Variants in DNAH8 observed in about 807,000 individuals in gnomAD.
The protein encoded by DNAH8 is axonemal beta dynein heavy chain 8.
Under a neutral mutation model 562.1 loss-of-function variants are expected in DNAH8, and 382 were observed. That is an observed-to-expected ratio of 0.68 (90% CI 0.63 to 0.74). DNAH8 has a LOEUF of 0.74. Among genes scored for constraint, DNAH8 ranks in the 30% least tolerant of loss-of-function variants. DNAH8 has a pLI of 0.00. For missense variants in DNAH8, 5,203 were observed against 5,620.4 expected (o/e 0.93, Z 2.37); for synonymous variants, 1,881 against 1,919.4 (o/e 0.98, Z 0.52).
At position 38,862,544 on chromosome 6, in the gene DNAH8, C is replaced by T. The variant is rs569925401; in HGVS notation, c.6310+86C>T. On this transcript the variant is annotated intron_variant, in intron 44 of 92. Coordinates refer to ENST00000327475, the MANE Select transcript of DNAH8 (RefSeq NM_001206927.2). Reference sequence around the variant, plus strand: ...ATTTTCTGATATAAATCCAAAGTGACGTGATCTCATATAATCTACATTAGT... The same window carrying T: ...ATTTTCTGATATAAATCCAAAGTGATGTGATCTCATATAATCTACATTAGT... 7.0e-5 allele frequency: 101 copies of T among 1,440,848 alleles called. 2 individuals carry two copies. Among genetic ancestry groups the T allele is most frequent in the African/African-American group, 1.1e-4 (8 of 70,104 alleles). 89.3% of individuals were successfully genotyped at this position (1,440,848 alleles called of 1,614,324 possible).
intron 1 of DNAH8, among the ~76,000 whole-genome samples, chr6:38,721,894 C>T (rs566202588): frequency 2.0e-5 from 3 of 152,148 alleles, no homozygotes; most frequent in East Asian, 1.9e-4. Flanking sequence ...TGTCTTCTTA[C>T]GTGTTTGGGA....
At chr6:38,858,610 C>T (rs1434124196) in intron 42 of DNAH8, among the ~76,000 whole-genome samples, 2 of 152,322 alleles carry the variant, frequency 1.3e-5, no homozygotes, top group East Asian at 1.9e-4. Flanking sequence ...TCCCTCCTCC[C>T]ATCCAAGACC....
At chr6:38,814,977 C>G (rs1678694) in intron 25 of DNAH8, among the ~76,000 whole-genome samples, 62,692 of 151,924 alleles carry the variant, frequency 0.41, 13,658 homozygotes, top group East Asian at 0.69. Flanking sequence ...AGAAACGGTC[C>G]GTGACTCACC....
chr6:38,756,206 A>G, intron 10 of DNAH8, 127 bp downstream of exon 10: 2 of 670,850 alleles, frequency 3.0e-6, no homozygotes, highest in South Asian at 1.6e-5. Flanking sequence ...TCCAGTGGAC[A>G]AGAAGAGAAA....
At chr6:38,992,167 A>G (rs1156990601) in intron 88 of DNAH8, among the ~76,000 whole-genome samples, 4 of 152,094 alleles carry the variant, frequency 2.6e-5, no homozygotes, top group African/African-American at 7.2e-5. Flanking sequence ...GGGTTTCTCC[A>G]TATTGGTCAG....
At chr6:38,723,746 C>T (rs974990739) in intron 3 of DNAH8, among the ~76,000 whole-genome samples, 1 of 151,804 alleles carries the variant, frequency 6.6e-6, no homozygotes, top group African/African-American at 2.4e-5. Flanking sequence ...CATGGTGGTC[C>T]GTACCTGTGG....
At chr6:38,890,239 G>A (rs1779249583) in intron 57 of DNAH8, among the ~76,000 whole-genome samples, 1 of 152,164 alleles carries the variant, frequency 6.6e-6, no homozygotes, top group African/African-American at 2.4e-5. Flanking sequence ...TCTGTAAGAT[G>A]AGGGAGTACT....
chr6:38,781,989 T>TG (rs1449853247), intron 16 of DNAH8, among the ~76,000 whole-genome samples: 1 of 152,172 alleles, frequency 6.6e-6, no homozygotes, highest in Admixed American at 6.5e-5. Context: ...CTTGATCTCG[T>TG]GCCCTTTGCT....
At chr6:38,911,428 C>T (rs1381253786) in intron 65 of DNAH8, 40 bp from the exon 66 acceptor site, 1 of 1,414,222 alleles carries the variant, frequency 7.1e-7, no homozygotes, top group Admixed American at 1.7e-5. Flanking sequence ...TGGGAGTACG[C>T]ACAATGATTG....
chr6:38,843,845 G>C (rs1490022364), intron 35 of DNAH8, among the ~76,000 whole-genome samples: 3 of 152,086 alleles, frequency 2.0e-5, no homozygotes, highest in African/African-American at 7.2e-5. Context: ...AATTGTCTCT[G>C]TCCGTTTGTG....
At position 38,921,470 on chromosome 6, in the gene DNAH8, A is replaced by C. The variant is rs1324316285; in HGVS notation, c.10626A>C (p.Val3542=). The C allele has an allele frequency of 2.5e-6, 4 of 1,613,578 alleles. No homozygotes were observed. In the African/African-American group the frequency reaches 5.3e-5, roughly 22 times the overall value. ...AGAAGCAAGCTGAGCTGGATAAAGT[A>C]CAGGCAAAATTTGATGCAGCAATGA... ...LDEKQAELDK[V]QAKFDAAMNE... The change falls in exon 71 of 93, where the codon GTA becomes GTC. Residue 3542 remains valine, a synonymous_variant. Transcript: ENST00000327475.
At chr6:38,932,218 C>CACACACA (rs1419605707) in intron 76 of DNAH8, among the ~76,000 whole-genome samples, 1 of 16,274 alleles carries the variant, frequency 6.1e-5, no homozygotes, top group Admixed American at 6.1e-4. Context: ...ACACACACAC[C>CACACACA]CGTCTCTTTC....
chr6:38,982,195 G>T, intron 85 of DNAH8, 151 bp from the exon 86 acceptor site: 2 of 593,786 alleles, frequency 3.4e-6, no homozygotes, highest in Non-Finnish European at 6.1e-6. Context: ...ATCATTAAGC[G>T]ACATGAATGT....
At chr6:38,996,546 C>G (rs1168660029) in intron 88 of DNAH8, among the ~76,000 whole-genome samples, 1 of 152,198 alleles carries the variant, frequency 6.6e-6, no homozygotes, top group Non-Finnish European at 1.5e-5. Context: ...AAGCTCTCTG[C>G]CATGTGACAA....
chr6:38,897,480 A>T (rs1351908255), intron 60 of DNAH8, among the ~76,000 whole-genome samples: 1 of 152,238 alleles, frequency 6.6e-6, no homozygotes, highest in Non-Finnish European at 1.5e-5. Flanking sequence ...CAACAATATT[A>T]ACATGTAGGA....
intron 14 of DNAH8, among the ~76,000 whole-genome samples, chr6:38,778,973 C>A (rs1269488996): frequency 6.6e-6 from 1 of 152,186 alleles, no homozygotes; most frequent in African/African-American, 2.4e-5. Context: ...ATAACACATT[C>A]ATCATCTCAC....
chr6:38,767,921 G>T (rs1307008289), intron 11 of DNAH8, among the ~76,000 whole-genome samples: 1 of 152,178 alleles, frequency 6.6e-6, no homozygotes, highest in Non-Finnish European at 1.5e-5. Flanking sequence ...CACCAGCAAT[G>T]CAGGAGGGTT....
intron 8 of DNAH8, among the ~76,000 whole-genome samples, chr6:38,748,791 T>TA (rs377004601): frequency 4.8e-5 from 7 of 146,844 alleles, no homozygotes; most frequent in South Asian, 2.1e-4. Context: ...ATAATAATAA[T>TA]ATAACATTTA....
intron 49 of DNAH8, among the ~76,000 whole-genome samples, chr6:38,871,967 A>G (rs1259235102): frequency 6.6e-6 from 1 of 152,184 alleles, no homozygotes; most frequent in African/African-American, 2.4e-5. Context: ...TGTCCTCTAC[A>G]GGGCTTTGTC....
Sources: gnomAD v4.1 joint callset for allele counts (sites outside exome capture counted in the v4.1 genomes callset) on GRCh38, gnomAD v4.1.1 for gene constraint, MANE v1.5 for transcripts, NCBI Gene and HGNC (gene_info 2026-07-23, HGNC 2026-07-21) for gene names.